Variants in MARCHF11 observed in about 807,000 individuals in gnomAD.
The protein encoded by MARCHF11 is E3 ubiquitin-protein ligase MARCHF11.
In MARCHF11, 29 loss-of-function variants were observed where a neutral mutation model predicts 37.3. The ratio of observed to expected loss-of-function variants is 0.78; its 90% CI spans 0.58 to 1.06. The LOEUF is 1.06. Ranked by LOEUF, MARCHF11 falls within the 50% of genes least tolerant of loss-of-function variation. The pLI, the probability that MARCHF11 is intolerant of heterozygous loss-of-function variation, is 0.00. For synonymous variants in MARCHF11, 233 were observed against 228.0 expected, an observed-to-expected ratio of 1.02 and a Z score of -0.20; for missense variants, 482 against 533.4, an observed-to-expected ratio of 0.90 and a Z score of 0.95.
At chr5:16,099,522 T>C (rs757794392) in intron 2 of MARCHF11, among the ~76,000 whole-genome samples, 33 of 152,118 alleles carry the variant, frequency 2.2e-4, no homozygotes, top group Non-Finnish European at 4.1e-4. Context: ...ATTGTTCATA[T>C]AGTCATTCTC....
chr5:16,114,519 G>C (rs1366359751), intron 2 of MARCHF11, among the ~76,000 whole-genome samples: 1 of 152,100 alleles, frequency 6.6e-6, no homozygotes, highest in African/African-American at 2.4e-5. Flanking sequence ...CTTCCAGCTT[G>C]TCTATCTCCC....
chr5:16,137,058 A>G (rs1161842518), intron 2 of MARCHF11, among the ~76,000 whole-genome samples: 1 of 152,232 alleles, frequency 6.6e-6, no homozygotes, highest in Admixed American at 6.5e-5. Flanking sequence ...ATAACATAAA[A>G]TATGGTTACA....
intron 2 of MARCHF11, among the ~76,000 whole-genome samples, chr5:16,114,217 C>T (rs1166272677): frequency 6.6e-6 from 1 of 152,134 alleles, no homozygotes; most frequent in African/African-American, 2.4e-5. Context: ...ACTGTCAACA[C>T]CAGGATATCT....
chr5:16,108,373 AGGGGG>A (rs1365522619), intron 2 of MARCHF11, among the ~76,000 whole-genome samples: 3 of 152,216 alleles, frequency 2.0e-5, no homozygotes, highest in Non-Finnish European at 4.4e-5. Context: ...ATGTCCTGCG[AGGGGG>A]GCCAGGGAAC....
intron 2 of MARCHF11, among the ~76,000 whole-genome samples, chr5:16,101,171 G>C (rs1736948927): frequency 6.6e-6 from 1 of 151,964 alleles, no homozygotes; most frequent in Non-Finnish European, 1.5e-5. Flanking sequence ...TTTGACTGTT[G>C]TAGATTTTCA....
chr5:16,112,651 A>T (rs1018359363), intron 2 of MARCHF11, among the ~76,000 whole-genome samples: 4 of 152,108 alleles, frequency 2.6e-5, no homozygotes, highest in African/African-American at 9.7e-5. Context: ...ATCAGTTAAG[A>T]CTTTGGGGGA....
At chr5:16,099,898 A>G (rs1290743535) in intron 2 of MARCHF11, among the ~76,000 whole-genome samples, 1 of 152,140 alleles carries the variant, frequency 6.6e-6, no homozygotes, top group Non-Finnish European at 1.5e-5. Flanking sequence ...GTGGGTGGGA[A>G]GCTCCCGATG....
intron 3 of MARCHF11, among the ~76,000 whole-genome samples, chr5:16,070,916 A>AT (rs1387300048): frequency 2.0e-5 from 3 of 152,130 alleles, no homozygotes; most frequent in Non-Finnish European, 4.4e-5. Flanking sequence ...TTCCATTCCC[A>AT]TTCCCAAGGC....
At chr5:16,109,792 T>C (rs1737107044) in intron 2 of MARCHF11, among the ~76,000 whole-genome samples, 1 of 152,164 alleles carries the variant, frequency 6.6e-6, no homozygotes, top group Admixed American at 6.5e-5. Flanking sequence ...TGATGCTGAC[T>C]CCAGGTCAAC....
intron 3 of MARCHF11, among the ~76,000 whole-genome samples, chr5:16,086,203 T>G (rs886614085): frequency 6.6e-6 from 1 of 152,126 alleles, no homozygotes; most frequent in African/African-American, 2.4e-5. Flanking sequence ...CAACACCATG[T>G]ACAGTATGAT....
chr5:16,166,720 A>G (rs1210463171), intron 2 of MARCHF11, among the ~76,000 whole-genome samples: 1 of 152,072 alleles, frequency 6.6e-6, no homozygotes, highest in African/African-American at 2.4e-5. Flanking sequence ...TGTATCATCA[A>G]TATAGAAATA....
intron 2 of MARCHF11, among the ~76,000 whole-genome samples, chr5:16,140,297 T>C (rs1244413398): frequency 6.6e-6 from 1 of 151,626 alleles, no homozygotes; most frequent in African/African-American, 2.4e-5. Flanking sequence ...ATAACCAAAA[T>C]AAAGAAAAAA....
In MARCHF11 at chr5:16,160,833, A is replaced by G. The variant is rs116950689; in HGVS notation, c.693+16893T>C. 5.9e-4 allele frequency among the ~76,000 whole-genome samples: 89 copies of G among 152,076 alleles called. No homozygotes were observed. In the East Asian group the frequency reaches 0.014, roughly 25 times the overall value. On this transcript the variant is annotated intron_variant, in intron 2 of 3. Coordinates refer to ENST00000332432, the MANE Select transcript of MARCHF11 (RefSeq NM_001102562.3). ...TTTTCCAAAAAGGTGAAAAAAAAAT[A>G]CATAGAAATGTCTCTAACCTAATGG...
intron 2 of MARCHF11, among the ~76,000 whole-genome samples, chr5:16,154,123 G>A (rs1318899947): frequency 6.6e-6 from 1 of 151,920 alleles, no homozygotes; most frequent in African/African-American, 2.4e-5. Context: ...CTGAGCTTCA[G>A]ATATTTTGGA....
At chr5:16,171,066 AT>A (rs1438385930) in intron 2 of MARCHF11, among the ~76,000 whole-genome samples, 2 of 152,162 alleles carry the variant, frequency 1.3e-5, no homozygotes, top group Non-Finnish European at 2.9e-5. Context: ...TGGTTTTAAT[AT>A]TTAATACGGA....
At position 16,067,604 on chromosome 5, in the gene MARCHF11, G is replaced by T; in HGVS notation, c.1076C>A (p.Pro359Gln). 6.2e-7 allele frequency: 1 copy of T among 1,613,942 alleles called. No individual in the cohort carries two copies. The highest frequency in any genetic ancestry group is 8.5e-7 in the Non-Finnish European group (1 of 1,179,860). The change falls in exon 4 of 4, where the codon CCA becomes CAA. Residue 359 changes from proline to glutamine, a missense_variant. Transcript: ENST00000332432. ...AAACCTTGGTGAGGTTAACTGAGTT[G>T]GGTGGACCAAGTTTCTGTTCCGCAG... The part of the protein sequence containing the change: ...TALRNRNLVH[P>Q]TQLTSPRFQC...
chr5:16,098,865 A>G (rs558865362), intron 2 of MARCHF11, among the ~76,000 whole-genome samples: 1 of 152,330 alleles, frequency 6.6e-6, no homozygotes, highest in Admixed American at 6.5e-5. Context: ...AAACAATACT[A>G]CATGAACAAC....
At chr5:16,130,309 C>T (rs1428439400) in intron 2 of MARCHF11, among the ~76,000 whole-genome samples, 1 of 151,550 alleles carries the variant, frequency 6.6e-6, no homozygotes, top group Non-Finnish European at 1.5e-5. Flanking sequence ...TTTTTGTTAA[C>T]CTTTACTCTG....
chr5:16,128,425 T>A (rs1418679069), intron 2 of MARCHF11, among the ~76,000 whole-genome samples: 1 of 152,054 alleles, frequency 6.6e-6, no homozygotes, highest in Non-Finnish European at 1.5e-5. Flanking sequence ...TGTGCACAGC[T>A]TTGCAAGTTG....
Sources: allele counts gnomAD v4.1 joint callset (sites outside exome capture counted in the v4.1 genomes callset), GRCh38; gene constraint gnomAD v4.1.1; transcripts MANE v1.5; gene names NCBI Gene and HGNC (gene_info 2026-07-23, HGNC 2026-07-21).